PDE8A: variants seen among roughly 807,000 people sequenced by gnomAD.
The protein encoded by PDE8A is phosphodiesterase 8A, also known as high affinity cAMP-specific and IBMX-insensitive 3',5'-cyclic phosphodiesterase 8A.
In PDE8A, 59 loss-of-function variants were observed where a neutral mutation model predicts 105.0. The observed-to-expected ratio is 0.56, with a 90% CI of 0.46 to 0.70. The LOEUF (loss-of-function observed/expected upper bound fraction) is 0.70, where lower values mean the gene tolerates loss of function less well. Among genes scored for constraint, PDE8A ranks in the 30% least tolerant of loss-of-function variants. The pLI, the probability that PDE8A is intolerant of heterozygous loss-of-function variation, is 0.00. For missense variants in PDE8A, 1,014 were observed against 1,045.9 expected, an observed-to-expected ratio of 0.97 and a Z score of 0.42; for synonymous variants, 355 against 371.9, an observed-to-expected ratio of 0.95 and a Z score of 0.52.
chr15:85,098,850 A>G (rs2081805349), intron 9 of PDE8A, among the ~76,000 whole-genome samples: 1 of 152,000 alleles, frequency 6.6e-6, no homozygotes, highest in South Asian at 2.1e-4. Flanking sequence ...CAGTTACTTC[A>G]GGGGGCCGAT....
chr15:85,063,294 T>C (rs1301177018), intron 1 of PDE8A: 2 of 152,158 alleles, frequency 1.3e-5, no homozygotes, highest in Admixed American at 6.6e-5. Flanking sequence ...GGGCAGTCAG[T>C]TGGGAAACAT....
chr15:85,132,662 C>G (rs987569188), intron 20 of PDE8A, among the ~76,000 whole-genome samples: 1 of 151,990 alleles, frequency 6.6e-6, no homozygotes, highest in Non-Finnish European at 1.5e-5. Flanking sequence ...GATGAGGTTT[C>G]GCCAGGCTGG....
In PDE8A at chr15:85,100,189, A is replaced by T. The variant is rs759898242; in HGVS notation, c.1027A>T (p.Thr343Ser). The change falls in exon 11 of 22, where the codon ACT becomes TCT. Residue 343 changes from threonine (T) to serine (S), a missense_variant. Thr to Ser is a moderately conservative substitution (Grantham distance 58). Transcript: ENST00000394553. Reference sequence around the variant, plus strand: ...AATATCCGAATGTGTTCAGTCTGACACTCATACAGGTACGGTGCCCCGTAT... The same window carrying T: ...AATATCCGAATGTGTTCAGTCTGACTCTCATACAGGTACGGTGCCCCGTAT... ...EKISECVQSD[T>S]HTDNQTGKHK... 6.2e-7 allele frequency: 1 copy of T among 1,613,246 alleles called. No individual in the cohort carries two copies. Among genetic ancestry groups the T allele is most frequent in the East Asian group, 2.2e-5 (1 of 44,886 alleles).
At chr15:85,030,899 C>T (rs1057414279) in intron 1 of PDE8A, among the ~76,000 whole-genome samples, 2 of 152,212 alleles carry the variant, frequency 1.3e-5, no homozygotes, top group Non-Finnish European at 1.5e-5. Context: ...TGTTGTTAAA[C>T]ATTCACAAAG....
rs370963983 is a variant in PDE8A, at chr15:84,985,781, A to G, written c.186+3433A>G. Among the ~76,000 whole-genome samples the G allele has an allele frequency of 2.1e-3, 322 of 152,330 alleles. 1 individual carries two copies. Among genetic ancestry groups the G allele is most frequent in the African/African-American group, 7.5e-3 (312 of 41,558 alleles). On this transcript the variant is annotated intron_variant, in intron 1 of 21. Coordinates refer to ENST00000394553, the MANE Select transcript of PDE8A (RefSeq NM_002605.3). ...GTTGAAAATCCACCCAGGCCAGGTA[A>G]GTAGAAATAGAAGCCAGTTTTAACC...
chr15:85,049,963 G>C (rs1048944298), intron 1 of PDE8A, among the ~76,000 whole-genome samples: 1 of 152,144 alleles, frequency 6.6e-6, no homozygotes, highest in South Asian at 2.1e-4. Context: ...GGGCACAGAG[G>C]TTCCAGTTTT....
intron 11 of PDE8A, among the ~76,000 whole-genome samples, chr15:85,103,339 C>T (rs547901955): frequency 6.6e-6 from 1 of 152,162 alleles, no homozygotes; most frequent in Non-Finnish European, 1.5e-5. Context: ...GGAGCATCTC[C>T]CAAACTGCAT....
At chr15:85,127,777 G>T (rs902177975) in intron 20 of PDE8A, among the ~76,000 whole-genome samples, 2 of 151,752 alleles carry the variant, frequency 1.3e-5, no homozygotes, top group African/African-American at 2.4e-5. Context: ...ATTTCAGCAG[G>T]TTTTTTTTCT....
At chr15:85,095,299 A>G (rs2081725449) in intron 8 of PDE8A, among the ~76,000 whole-genome samples, 1 of 152,172 alleles carries the variant, frequency 6.6e-6, no homozygotes, top group African/African-American at 2.4e-5. Flanking sequence ...TCTTCATGGT[A>G]GTACTCTAAG....
rs1165569663 is a variant in PDE8A, at chr15:84,982,013, G to A, written c.-150G>A. 5 of 353,386 alleles carry A rather than the reference G, an allele frequency of 1.4e-5. No individual in the cohort carries two copies. Among genetic ancestry groups the A allele is most frequent in the Non-Finnish European group, 2.4e-5 (5 of 208,956 alleles). 21.9% of individuals were successfully genotyped at this position (353,386 alleles called of 1,614,324 possible). A position where few individuals can be genotyped will look rare whatever the true frequency, so the allele number is the denominator to read the frequency against. On this transcript the variant is annotated 5_prime_UTR_variant, in exon 1 of 22. Transcript: ENST00000394553. ...GCGCCCGCACCGCGATAAAAGGGGC[G>A]GCCGCGTTTCCTGACGCGAGATCCG... is the stretch of plus-strand genomic sequence containing the variant.
At chr15:85,037,036 G>A (rs1294224313) in intron 1 of PDE8A, among the ~76,000 whole-genome samples, 1 of 151,904 alleles carries the variant, frequency 6.6e-6, no homozygotes, top group Non-Finnish European at 1.5e-5. Context: ...TTCAAATGAA[G>A]GTTGCAGTGC....
chr15:85,004,337 G>A (rs1198251398), intron 1 of PDE8A, among the ~76,000 whole-genome samples: 1 of 152,118 alleles, frequency 6.6e-6, no homozygotes, highest in African/African-American at 2.4e-5. Context: ...GAATTCATCT[G>A]GTCCCAGTTA....
intron 5 of PDE8A, among the ~76,000 whole-genome samples, chr15:85,080,924 T>G (rs1445649590): frequency 6.6e-6 from 1 of 152,180 alleles, no homozygotes; most frequent in African/African-American, 2.4e-5. Flanking sequence ...AGCACCTGAC[T>G]TAGGAAATGT....
chr15:85,028,619 G>A (rs970722637), intron 1 of PDE8A, among the ~76,000 whole-genome samples: 5 of 152,026 alleles, frequency 3.3e-5, no homozygotes, highest in Admixed American at 6.6e-5. Context: ...CTTGTATTTC[G>A]CAATTTGATA....
chr15:85,057,326 C>A (rs940067132), intron 1 of PDE8A, among the ~76,000 whole-genome samples: 1 of 152,210 alleles, frequency 6.6e-6, no homozygotes, highest in East Asian at 1.9e-4. Context: ...GACCACTACT[C>A]TCTTCAAAGC....
At chr15:84,992,224 TG>T (rs964723838) in intron 1 of PDE8A, among the ~76,000 whole-genome samples, 19 of 152,100 alleles carry the variant, frequency 1.2e-4, no homozygotes, top group African/African-American at 4.6e-4. Context: ...GATGGCACCT[TG>T]GGGGATGGAT....
At chr15:85,006,338 C>T (rs1427637128) in intron 1 of PDE8A, among the ~76,000 whole-genome samples, 2 of 152,140 alleles carry the variant, frequency 1.3e-5, no homozygotes, top group East Asian at 1.9e-4. Flanking sequence ...ACAATGTTGC[C>T]ATCATAAATG....
chr15:85,113,959 C>A lies in PDE8A; in HGVS notation c.1272C>A (p.Thr424=), dbSNP rs2082057300. Residue 424 remains threonine (T), a synonymous_variant, in exon 14 of 22, where the codon ACC becomes ACA. Transcript: ENST00000394553. ...ALDRVLEILR[T]TELYSPQFGA... ...ACCGTGTGCTGGAAATTCTAAGAAC[C>A]ACTGAGTTATATTCACCACAGTTTG... 2 of 1,613,186 alleles carry A rather than the reference C, an allele frequency of 1.2e-6. No homozygotes were observed. The highest frequency in any genetic ancestry group is 4.5e-5 in the East Asian group (2 of 44,876).
chr15:85,043,519 C>T (rs185027392), intron 1 of PDE8A, among the ~76,000 whole-genome samples: 193 of 152,222 alleles, frequency 1.3e-3, no homozygotes, highest in Non-Finnish European at 1.8e-3. Flanking sequence ...TGACTATTCT[C>T]ATTTTTCTAT....
Sources: allele counts gnomAD v4.1 joint callset (sites outside exome capture counted in the v4.1 genomes callset), GRCh38; gene constraint gnomAD v4.1.1; transcripts MANE v1.5; gene names NCBI Gene and HGNC (gene_info 2026-07-23, HGNC 2026-07-21).